Variants in IL17RD observed in about 807,000 individuals in gnomAD.
The protein encoded by IL17RD is interleukin 17 receptor D.
IL17RD carries 52 observed loss-of-function variants against 80.5 expected under a neutral mutation model. That is an observed-to-expected ratio of 0.65 (90% CI 0.52 to 0.81). The LOEUF is 0.81. Among genes scored for constraint, IL17RD ranks in the 40% least tolerant of loss-of-function variants. The probability of loss-of-function intolerance (pLI) is 0.00; values close to 1 mark genes in which losing one functional copy is unlikely to be tolerated. For missense variants in IL17RD, 1,024 were observed against 955.1 expected (o/e 1.07, Z -0.95); for synonymous variants, 416 against 391.8 (o/e 1.06, Z -0.73).
At chr3:57,145,904 G>A (rs1707914806) in intron 1 of IL17RD, among the ~76,000 whole-genome samples, 1 of 152,122 alleles carries the variant, frequency 6.6e-6, no homozygotes, top group Non-Finnish European at 1.5e-5. Flanking sequence ...TAACCAGGGT[G>A]GCTTCTAGCC....
Position 57,145,321 on chromosome 3 carries a change from G to A in IL17RD, c.126+19840C>T, listed in dbSNP as rs187274346. On this transcript the variant is annotated intron_variant, in intron 1 of 12. Coordinates refer to ENST00000296318, the MANE Select transcript of IL17RD (RefSeq NM_017563.5). ...ACAATAGTGTTGATGTTAAAAATTG[G>A]GAGATGCACCGGGTCTTTGGCCATG... Among the ~76,000 whole-genome samples the A allele has an allele frequency of 1.9e-4, 29 of 152,230 alleles. 1 individual carries two copies. The East Asian group carries it at 5.6e-3, about 29-fold the overall frequency.
chr3:57,162,927 A>G (rs1010153310), intron 1 of IL17RD, among the ~76,000 whole-genome samples: 3 of 152,244 alleles, frequency 2.0e-5, no homozygotes, highest in African/African-American at 7.2e-5. Flanking sequence ...TTCCCTGAGG[A>G]GGTACCACCT....
At chr3:57,114,962 C>T (rs1365615824) in intron 2 of IL17RD, 145 bp from the exon 3 acceptor site, 6 of 597,230 alleles carry the variant, frequency 1.0e-5, no homozygotes, top group African/African-American at 1.9e-5. Context: ...CAAAATAAGA[C>T]ATGAGAGGTT....
chr3:57,146,204 A>G (rs942060012), intron 1 of IL17RD, among the ~76,000 whole-genome samples: 3 of 152,236 alleles, frequency 2.0e-5, no homozygotes, highest in Non-Finnish European at 1.5e-5. Flanking sequence ...TCACTAATCA[A>G]TAATTCTTAG....
chr3:57,148,590 TA>T (rs1559484507), intron 1 of IL17RD, among the ~76,000 whole-genome samples: 1 of 152,186 alleles, frequency 6.6e-6, no homozygotes, highest in African/African-American at 2.4e-5. Flanking sequence ...CATTCTTTTA[TA>T]ACACATTTGG....
At chr3:57,140,351 T>TA (rs1300489340) in intron 1 of IL17RD, among the ~76,000 whole-genome samples, 1 of 152,142 alleles carries the variant, frequency 6.6e-6, no homozygotes, top group Non-Finnish European at 1.5e-5. Context: ...CCTAACCAAC[T>TA]GGTCTACGAG....
chr3:57,163,793 C>CGGG (rs1304017874), intron 1 of IL17RD, among the ~76,000 whole-genome samples: 1 of 21,708 alleles, frequency 4.6e-5, no homozygotes, highest in Non-Finnish European at 8.8e-5. Flanking sequence ...GGCGGGGGGG[C>CGGG]GGGGGGGGAA....
chr3:57,129,838 C>G (rs570244976), intron 1 of IL17RD, among the ~76,000 whole-genome samples: 3 of 152,212 alleles, frequency 2.0e-5, no homozygotes, highest in African/African-American at 7.2e-5. Flanking sequence ...AGTAAGTCAG[C>G]ATTAGGCCCT....
intron 1 of IL17RD, among the ~76,000 whole-genome samples, chr3:57,135,011 T>TA (rs2107519654): frequency 6.6e-6 from 1 of 151,938 alleles, no homozygotes; most frequent in Admixed American, 6.6e-5. Flanking sequence ...GGGAGGTTGA[T>TA]ATGGAAGGAT....
rs1706613153 is a variant in IL17RD, at chr3:57,093,958, A to G, written c.*2435T>C. ...GACTTATCCCTGGTCTCTTTTCTAGAGGACGTTGTCTAACCTATCTACACA... is the reference window on the plus strand; with the variant it reads ...GACTTATCCCTGGTCTCTTTTCTAGGGGACGTTGTCTAACCTATCTACACA... On this transcript the variant is annotated 3_prime_UTR_variant, in exon 13 of 13. Coordinates refer to ENST00000296318, the MANE Select transcript of IL17RD (RefSeq NM_017563.5). 1 of 152,130 alleles carries G rather than the reference A, an allele frequency of 6.6e-6. No individual in the cohort carries two copies. The highest frequency in any genetic ancestry group is 2.4e-5 in the African/African-American group (1 of 41,414). The allele number at this position is 152,130 out of a possible 1,614,324, so 9.4% of individuals were successfully genotyped here.
upstream of IL17RD, among the ~76,000 whole-genome samples, chr3:57,168,578 G>A (rs867253977): frequency 1.3e-5 from 2 of 152,222 alleles, no homozygotes; most frequent in Non-Finnish European, 2.9e-5. Context: ...GAGAGCCACA[G>A]ACACCAAAGG....
rs80313348 is a variant in IL17RD at position 57,128,576 on chromosome 3, A to G, written c.127-8263T>C. Among the ~76,000 whole-genome samples, 90 of 152,132 alleles carry G rather than the reference A, an allele frequency of 5.9e-4. No individual in the cohort carries two copies. In the East Asian group the frequency reaches 0.017, roughly 29 times the overall value. On this transcript the variant is annotated intron_variant, in intron 1 of 12. Transcript: ENST00000296318. ...CGAAATCCATTCACTAAAGATAAAG[A>G]TATGTTAGGAAATCCATTCACTAAA...
In IL17RD at chr3:57,102,527, A is replaced by G; in HGVS notation, c.931T>C (p.Ser311Pro). 8 of 1,581,816 alleles carry G rather than the reference A, an allele frequency of 5.1e-6. No homozygotes were observed. The highest frequency in any genetic ancestry group is 1.1e-5 in the South Asian group (1 of 88,020). The stretch of plus-strand genomic sequence containing the variant: ...ACAGTGAAGAGCGTCGCGAATGCCG[A>G]TATGACTACCAGTGGCACTGTGATG... ...VAITVPLVVI[S>P]AFATLFTVMC... Residue 311 changes from serine to proline, a missense_variant, in exon 10 of 13, where the codon TCG (serine) becomes CCG (proline). Transcript: ENST00000296318.
chr3:57,134,099 C>T (rs1311336413), intron 1 of IL17RD: 11 of 508,342 alleles, frequency 2.2e-5, no homozygotes, highest in Admixed American at 8.6e-5. Flanking sequence ...AACTAAGAAT[C>T]GGGGAGCTCA....
chr3:57,111,784 C>G (rs2107486008), intron 3 of IL17RD, among the ~76,000 whole-genome samples: 1 of 137,444 alleles, frequency 7.3e-6, no homozygotes, highest in Non-Finnish European at 1.6e-5. Context: ...CGGTGAAACC[C>G]TGTCTCTGCT....
chr3:57,164,896 T>G (rs2060335603), intron 1 of IL17RD: 1 of 1,213,982 alleles, frequency 8.2e-7, no homozygotes, highest in African/African-American at 1.6e-5. Context: ...ACGCCCGCCC[T>G]CTGAATGGGA....
At chr3:57,102,688 TCTA>T (rs1234125926) in intron 9 of IL17RD, 99 bp from the exon 10 acceptor site, 2 of 534,036 alleles carry the variant, frequency 3.7e-6, no homozygotes, top group Non-Finnish European at 6.7e-6. Context: ...CATAACAGGT[TCTA>T]GGACCATGCA....
intron 1 of IL17RD, among the ~76,000 whole-genome samples, chr3:57,138,326 G>A (rs1707766329): frequency 6.6e-6 from 1 of 152,116 alleles, no homozygotes; most frequent in African/African-American, 2.4e-5. Flanking sequence ...AAACATTAAA[G>A]GAAACTGAAC....
At chr3:57,110,141 G>A in intron 4 of IL17RD, 52 bp downstream of exon 4, 1 of 1,552,128 alleles carries the variant, frequency 6.4e-7, no homozygotes, top group Non-Finnish European at 8.7e-7. Context: ...CACTATTCAG[G>A]ACCCTGGAAC....
Sources: allele counts gnomAD v4.1 joint callset (sites outside exome capture counted in the v4.1 genomes callset), GRCh38; gene constraint gnomAD v4.1.1; transcripts MANE v1.5; gene names NCBI Gene and HGNC (gene_info 2026-07-23, HGNC 2026-07-21).